The following BEND7 variants were observed in gnomAD, a reference collection of about 807,000 sequenced individuals.
BEND7 encodes BEN domain-containing protein 7.
Under a neutral mutation model 50.9 loss-of-function variants are expected in BEND7, and 28 were observed. That is an observed-to-expected ratio of 0.55 (90% confidence interval 0.41 to 0.75). The LOEUF (loss-of-function observed/expected upper bound fraction) is 0.75, where lower values mean the gene tolerates loss of function less well. BEND7 is among the 30% of genes least tolerant of loss of function. The probability of loss-of-function intolerance (pLI) is 0.00; values close to 1 mark genes in which losing one functional copy is unlikely to be tolerated. For synonymous variants in BEND7, 170 were observed against 183.9 expected (o/e 0.92, Z 0.61); for missense variants, 477 against 491.3 (o/e 0.97, Z 0.28).
intron 2 of BEND7, chr10:13,502,799 C>T (rs1462164123): frequency 7.5e-6 from 5 of 666,626 alleles, no homozygotes; most frequent in Non-Finnish European, 9.3e-6. Context: ...TGGCCGCCAC[C>T]CCTGACCCCA....
At chr10:13,520,413 C>A (rs78740608) in intron 2 of BEND7, among the ~76,000 whole-genome samples, 4,168 of 152,010 alleles carry the variant, frequency 0.027, 208 homozygotes, top group African/African-American at 0.096. Flanking sequence ...CAAGGGAAGG[C>A]GGTTACATGA....
Position 13,452,678 on chromosome 10 carries a change from A to G in BEND7, c.1064-20T>C. 3.8e-6 allele frequency: 6 copies of G among 1,562,618 alleles called. No homozygotes were observed. The highest frequency in any genetic ancestry group is 5.2e-6 in the Non-Finnish European group (6 of 1,152,634). ...TGAAGACTGAAAGAAAATGTAAAAT[A>G]TTGTTAAATACCTTAACAAGTAAAA... On this transcript the variant is annotated intron_variant, in intron 6 of 8. Coordinates refer to ENST00000466271, the MANE Select transcript of BEND7 (RefSeq NM_001369863.1).
In BEND7 at chr10:13,450,745, G is replaced by A. The variant is rs565082383; in HGVS notation, c.1183+1794C>T. Among the ~76,000 whole-genome samples, 6 of 152,272 alleles carry A rather than the reference G, an allele frequency of 3.9e-5. No homozygotes were observed. The East Asian group carries it at 7.7e-4, about 20-fold the overall frequency. On this transcript the variant is annotated intron_variant, in intron 7 of 8. Coordinates refer to ENST00000466271, the MANE Select transcript of BEND7 (RefSeq NM_001369863.1). ...AAATATTCTGATGTCTAAGGGGCAG[G>A]AGCGGGCAAGTGAGTGGGGACTCCT...
chr10:13,439,426 G>T, downstream of BEND7: 3 of 1,614,112 alleles, frequency 1.9e-6, no homozygotes, highest in South Asian at 3.3e-5. Flanking sequence ...ATTGTCTGAG[G>T]TGAGCTCTGC....
intron 2 of BEND7, among the ~76,000 whole-genome samples, chr10:13,521,623 G>C (rs942466346): frequency 3.3e-5 from 5 of 152,166 alleles, no homozygotes; most frequent in African/African-American, 1.2e-4. Context: ...CCACATACTG[G>C]GATTTTGGGG....
At chr10:13,462,282 C>T (rs1219943273) in intron 6 of BEND7, among the ~76,000 whole-genome samples, 1 of 152,146 alleles carries the variant, frequency 6.6e-6, no homozygotes. Flanking sequence ...CTGGGGAGGC[C>T]TCACAATCAC....
At chr10:13,465,311 G>A (rs1188610908) in intron 6 of BEND7, among the ~76,000 whole-genome samples, 1 of 152,208 alleles carries the variant, frequency 6.6e-6, no homozygotes, top group Admixed American at 6.5e-5. Context: ...TAAAAATGAT[G>A]CCTTTAAATT....
At chr10:13,462,429 C>A (rs533472034) in intron 6 of BEND7, among the ~76,000 whole-genome samples, 1 of 152,202 alleles carries the variant, frequency 6.6e-6, no homozygotes, top group African/African-American at 2.4e-5. Context: ...ATGGGGGAAC[C>A]ACCCCCATGA....
At chr10:13,463,520 TAAA>T (rs1207445630) in intron 6 of BEND7, among the ~76,000 whole-genome samples, 2 of 152,180 alleles carry the variant, frequency 1.3e-5, no homozygotes, top group Admixed American at 1.3e-4. Flanking sequence ...TGGATGCTGT[TAAA>T]ATGACTGATC....
Position 13,480,957 on chromosome 10 carries a change from T to C in BEND7, c.1005A>G (p.Lys335=). The change falls in exon 6 of 9, where the codon AAA becomes AAG. Residue 335 remains lysine, a synonymous_variant. Transcript: ENST00000466271. ...LANSLPNGKR[K]RGLNDNRKGL... is the part of the protein sequence containing the mutation. ...CTTTCCGGTTGTCATTGAGTCCTCTTTTCCTCTTCCCATTGGGTAAGGAGT... is the reference window on the plus strand; with the variant it reads ...CTTTCCGGTTGTCATTGAGTCCTCTCTTCCTCTTCCCATTGGGTAAGGAGT... 3 of 1,614,216 alleles carry C rather than the reference T, an allele frequency of 1.9e-6. No homozygotes were observed. Among genetic ancestry groups the C allele is most frequent in the Non-Finnish European group, 2.5e-6 (3 of 1,180,034 alleles).
chr10:13,465,488 T>A (rs1189056469), intron 6 of BEND7, among the ~76,000 whole-genome samples: 1 of 152,284 alleles, frequency 6.6e-6, no homozygotes, highest in Non-Finnish European at 1.5e-5. Context: ...CTCATCTTCG[T>A]GCTGACTGCT....
chr10:13,467,935 C>T (rs989156523), intron 6 of BEND7, among the ~76,000 whole-genome samples: 3 of 152,048 alleles, frequency 2.0e-5, no homozygotes, highest in African/African-American at 7.2e-5. Context: ...AAGGAATATA[C>T]AAAGCAAACA....
At chr10:13,476,687 G>T (rs190518801) in intron 6 of BEND7, among the ~76,000 whole-genome samples, 5 of 152,302 alleles carry the variant, frequency 3.3e-5, no homozygotes, top group Non-Finnish European at 7.3e-5. Context: ...AGAACTAGAT[G>T]TGGACCAATT....
intron 6 of BEND7, among the ~76,000 whole-genome samples, chr10:13,479,650 A>G (rs932803343): frequency 3.9e-5 from 6 of 152,188 alleles, no homozygotes; most frequent in African/African-American, 1.4e-4. Context: ...AAATTCTGTC[A>G]TGTTGTTTGT....
chr10:13,508,411 G>C (rs888079308), intron 2 of BEND7, among the ~76,000 whole-genome samples: 4 of 152,200 alleles, frequency 2.6e-5, no homozygotes, highest in Non-Finnish European at 5.9e-5. Flanking sequence ...GCCAGAACCC[G>C]ATTCCTGAAG....
chr10:13,492,986 CCAGGATGAAGCA>C, intron 4 of BEND7, 110 bp from the exon 5 acceptor site: 1 of 1,293,752 alleles, frequency 7.7e-7, no homozygotes, highest in Non-Finnish European at 1.1e-6. Flanking sequence ...GAGGAAAACT[CCAGGATGAAGCA>C]CACTAAATAA....
intron 8 of BEND7, chr10:13,446,338 T>A (rs952533675): frequency 3.3e-5 from 5 of 152,248 alleles, no homozygotes; most frequent in Non-Finnish European, 7.3e-5. Flanking sequence ...GGATATGTGC[T>A]GTCAATGAAT....
At chr10:13,521,149 C>T (rs552890205) in intron 2 of BEND7, among the ~76,000 whole-genome samples, 1 of 151,984 alleles carries the variant, frequency 6.6e-6, no homozygotes, top group Admixed American at 6.6e-5. Context: ...TGGGTCTCCT[C>T]GACCTTTTTT....
chr10:13,510,209 T>C (rs2132441470), intron 2 of BEND7, among the ~76,000 whole-genome samples: 1 of 152,280 alleles, frequency 6.6e-6, no homozygotes, highest in East Asian at 1.9e-4. Flanking sequence ...AAAAAAATGA[T>C]CAATAAATAT....
Sources: gnomAD v4.1 joint callset for allele counts (sites outside exome capture counted in the v4.1 genomes callset) on GRCh38, gnomAD v4.1.1 for gene constraint, MANE v1.5 for transcripts, NCBI Gene and HGNC (gene_info 2026-07-23, HGNC 2026-07-21) for gene names.